The following DENND2B variants were observed in gnomAD, a reference collection of about 807,000 sequenced individuals.
DENND2B encodes DENN domain containing 2B, also known as DENN domain-containing protein 2B.
A neutral mutation model predicts 116.0 loss-of-function variants in DENND2B; 32 were observed. The ratio of observed to expected loss-of-function variants is 0.28; its 90% CI spans 0.21 to 0.37. The LOEUF is 0.37. Among genes scored for constraint, DENND2B ranks in the 10% least tolerant of loss-of-function variants. DENND2B has a pLI of 1.00. For missense variants in DENND2B, 1,276 were observed against 1,477.7 expected, an observed-to-expected ratio of 0.86 and a Z score of 2.24; for synonymous variants, 588 against 583.9, an observed-to-expected ratio of 1.01 and a Z score of -0.10.
At chr11:8,716,922 C>T (rs534058408) in intron 5 of DENND2B, among the ~76,000 whole-genome samples, 10 of 152,308 alleles carry the variant, frequency 6.6e-5, no homozygotes, top group East Asian at 5.8e-4. Context: ...GGATTACATG[C>T]GTGAGCCACC....
At chr11:8,714,238 C>T (rs2044309808) in intron 7 of DENND2B, among the ~76,000 whole-genome samples, 196 bp from the exon 8 acceptor site, 2 of 152,192 alleles carry the variant, frequency 1.3e-5, no homozygotes, top group African/African-American at 4.8e-5. Flanking sequence ...ACTGCGAATC[C>T]TATATTCAAA....
chr11:8,700,351 A>G (rs1205847407), intron 14 of DENND2B, among the ~76,000 whole-genome samples: 1 of 152,208 alleles, frequency 6.6e-6, no homozygotes, highest in African/African-American at 2.4e-5. Context: ...GAGACACAGA[A>G]GCATTGAGGC....
upstream of DENND2B, among the ~76,000 whole-genome samples, chr11:8,875,326 G>GAA (rs1426384383): frequency 3.7e-5 from 4 of 107,864 alleles, no homozygotes; most frequent in Non-Finnish European, 3.9e-5. Flanking sequence ...CAGTCTCAAA[G>GAA]AAAAAAAAAA....
intron 4 of DENND2B, among the ~76,000 whole-genome samples, chr11:8,819,668 T>C (rs962855646): frequency 6.6e-6 from 1 of 152,150 alleles, no homozygotes; most frequent in Non-Finnish European, 1.5e-5. Context: ...AAACATGAAG[T>C]AAACCCAACC....
At chr11:8,870,346 CGTTG>C (rs1265493501) in intron 2 of DENND2B, among the ~76,000 whole-genome samples, 1 of 152,184 alleles carries the variant, frequency 6.6e-6, no homozygotes, top group Non-Finnish European at 1.5e-5. Context: ...GTGCCATAAA[CGTTG>C]ACTAGAGTGT....
chr11:8,694,239 A>G (rs2039912196), intron 19 of DENND2B, 109 bp from the exon 20 acceptor site: 1 of 1,293,772 alleles, frequency 7.7e-7, no homozygotes. Flanking sequence ...AAGGATTAGG[A>G]AGACTGGATT....
intron 2 of DENND2B, among the ~76,000 whole-genome samples, chr11:8,869,824 G>A (rs187577863): frequency 6.6e-6 from 1 of 152,120 alleles, no homozygotes; most frequent in East Asian, 1.9e-4. Flanking sequence ...GGCCTTGTGC[G>A]GTCCTTAATT....
chr11:8,857,737 A>G (rs1379180167), intron 2 of DENND2B, among the ~76,000 whole-genome samples: 1 of 152,136 alleles, frequency 6.6e-6, no homozygotes, highest in Non-Finnish European at 1.5e-5. Flanking sequence ...CTAAATTAGG[A>G]GTCAAAACAC....
At chr11:8,909,223 T>C (rs1459688670) in intron 1 of DENND2B, among the ~76,000 whole-genome samples, 1 of 152,136 alleles carries the variant, frequency 6.6e-6, no homozygotes, top group East Asian at 1.9e-4. Flanking sequence ...AGGGAGACCC[T>C]GTCTCTACGA....
intron 2 of DENND2B, among the ~76,000 whole-genome samples, chr11:8,733,159 G>A (rs576429084): frequency 6.6e-6 from 1 of 152,326 alleles, no homozygotes; most frequent in South Asian, 2.1e-4. Flanking sequence ...GAGGAGGTGT[G>A]AACAGAGTAA....
chr11:8,717,941 A>G, intron 4 of DENND2B, 49 bp from the exon 5 acceptor site: 5 of 1,578,880 alleles, frequency 3.2e-6, no homozygotes, highest in Non-Finnish European at 4.3e-6. Context: ...AGAAGGAAAC[A>G]CACGAACTCA....
In DENND2B at chr11:8,715,692, G is replaced by C. The variant is rs766814978; in HGVS notation, c.1756C>G (p.Leu586Val). The C allele has an allele frequency of 2.5e-6, 4 of 1,614,106 alleles. No homozygotes were observed. The highest frequency in any genetic ancestry group is 3.4e-6 in the Non-Finnish European group (4 of 1,180,052). Residue 586 changes from leucine (L) to valine (V), a missense_variant, in exon 6 of 20, where the codon CTG becomes GTG. Transcript: ENST00000313726. ...DDMLLLAQLS[L>V]PSSPSSLNED... The stretch of plus-strand genomic sequence containing the variant: ...TTGAGGCTGGAGGGTGAGGACGGCA[G>C]ACTCAGCTGAGCCAGCAGCAGCATG...
upstream of DENND2B, among the ~76,000 whole-genome samples, chr11:8,874,272 A>G (rs1345546876): frequency 6.6e-6 from 1 of 152,224 alleles, no homozygotes; most frequent in Non-Finnish European, 1.5e-5. Flanking sequence ...TGCCCTGATT[A>G]CATGGTTATA....
intron 2 of DENND2B, among the ~76,000 whole-genome samples, chr11:8,857,727 C>G (rs541113222): frequency 6.6e-6 from 1 of 152,194 alleles, no homozygotes; most frequent in Non-Finnish European, 1.5e-5. Context: ...AGAAAGGGAA[C>G]TAAATTAGGA....
chr11:8,699,700 G>A (rs971379982), intron 14 of DENND2B, among the ~76,000 whole-genome samples: 4 of 152,192 alleles, frequency 2.6e-5, no homozygotes, highest in African/African-American at 4.8e-5. Flanking sequence ...CAGTGGGCCC[G>A]TGGCTGAGGA....
chr11:8,833,667 C>A (rs898803474), intron 4 of DENND2B, among the ~76,000 whole-genome samples: 9 of 152,094 alleles, frequency 5.9e-5, no homozygotes, highest in Non-Finnish European at 1.2e-4. Context: ...CAAGCAAAGA[C>A]CTTGGCTGCG....
intron 3 of DENND2B, among the ~76,000 whole-genome samples, chr11:8,841,960 TC>T (rs1566040643): frequency 2.0e-5 from 3 of 152,108 alleles, no homozygotes; most frequent in Non-Finnish European, 4.4e-5. Context: ...ATCCAGAGTA[TC>T]CCCCATTCTC....
intron 19 of DENND2B, among the ~76,000 whole-genome samples, chr11:8,695,072 TAAATAAAATATA>T (rs2040123456): frequency 6.6e-6 from 1 of 151,902 alleles, no homozygotes; most frequent in Admixed American, 6.6e-5. Context: ...TAAAATAAAA[TAAATAAAATATA>T]AAATAAAATA....
chr11:8,774,611 C>G (rs988201891), intron 1 of DENND2B, among the ~76,000 whole-genome samples: 2 of 152,174 alleles, frequency 1.3e-5, no homozygotes, highest in African/African-American at 4.8e-5. Context: ...GTGCCCTGCT[C>G]CCATCCTGGC....
Sources: allele counts gnomAD v4.1 joint callset (sites outside exome capture counted in the v4.1 genomes callset), GRCh38; gene constraint gnomAD v4.1.1; transcripts MANE v1.5; gene names NCBI Gene and HGNC (gene_info 2026-07-23, HGNC 2026-07-21).